Variants in LRRIQ1 observed in about 807,000 individuals in gnomAD.
LRRIQ1 encodes the protein leucine rich repeats and IQ motif containing 1.
LRRIQ1 carries 210 observed loss-of-function variants against 211.9 expected under a neutral mutation model. The ratio of observed to expected loss-of-function variants is 0.99; its 90% CI spans 0.89 to 1.11. The LOEUF is 1.11. LRRIQ1 is among the 50% of genes most tolerant of loss of function. The pLI, the probability that LRRIQ1 is intolerant of heterozygous loss-of-function variation, is 0.00. For missense variants in LRRIQ1, 2,136 were observed against 1,939.5 expected (o/e 1.10, Z -1.90); for synonymous variants, 699 against 650.1 (o/e 1.08, Z -1.14).
intron 1 of LRRIQ1, among the ~76,000 whole-genome samples, chr12:85,253,342 A>G (rs1397975598): frequency 6.6e-6 from 1 of 152,070 alleles, no homozygotes; most frequent in Non-Finnish European, 1.5e-5. Context: ...TGCTGTTACT[A>G]TTATCTAAGA....
chr12:85,135,146 C>A (rs1238760020), intron 18 of LRRIQ1, among the ~76,000 whole-genome samples: 1 of 151,906 alleles, frequency 6.6e-6, no homozygotes, highest in African/African-American at 2.4e-5. Flanking sequence ...ACAGCAACTC[C>A]CTTCTTTTTC....
intron 24 of LRRIQ1, among the ~76,000 whole-genome samples, chr12:85,217,718 A>ATG (rs1565910268): frequency 3.3e-4 from 45 of 135,348 alleles, no homozygotes; most frequent in African/African-American, 1.5e-3. Flanking sequence ...GTGTGTATAT[A>ATG]TGTATATATG....
At chr12:85,081,448 CTT>C (rs57690294) in intron 11 of LRRIQ1, among the ~76,000 whole-genome samples, 4 of 147,648 alleles carry the variant, frequency 2.7e-5, no homozygotes, top group African/African-American at 7.4e-5. Context: ...TTTGGATTGG[CTT>C]TTTTTTTTGT....
chr12:85,124,055 C>G lies in LRRIQ1; in HGVS notation c.3558-15C>G, dbSNP rs1350594968. On this transcript the variant is annotated splice_polypyrimidine_tract_variant and intron_variant, in intron 16 of 26. Transcript: ENST00000393217. Reference sequence around the variant, plus strand: ...TACTATTCTTATTAAATGTTCTCATCATTTATTTGTTCAGAGATGTATTTA... The same window carrying G: ...TACTATTCTTATTAAATGTTCTCATGATTTATTTGTTCAGAGATGTATTTA... 6 of 1,567,866 alleles carry G rather than the reference C, an allele frequency of 3.8e-6. No individual in the cohort carries two copies. Among genetic ancestry groups the G allele is most frequent in the East Asian group, 4.5e-5 (2 of 44,658 alleles).
chr12:85,107,240 A>T (rs931284357), intron 15 of LRRIQ1, among the ~76,000 whole-genome samples: 3 of 152,160 alleles, frequency 2.0e-5, no homozygotes, highest in Non-Finnish European at 2.9e-5. Flanking sequence ...TTTTGTGATA[A>T]CTTACATAGC....
chr12:85,082,925 C>T (rs1433670590), intron 11 of LRRIQ1, among the ~76,000 whole-genome samples: 2 of 152,176 alleles, frequency 1.3e-5, no homozygotes, highest in African/African-American at 4.8e-5. Context: ...AAACAATCTA[C>T]AGTCATTTAT....
chr12:85,123,596 AT>A (rs1888141701), intron 16 of LRRIQ1, among the ~76,000 whole-genome samples: 1 of 152,120 alleles, frequency 6.6e-6, no homozygotes, highest in Admixed American at 6.6e-5. Context: ...GCAATAGATT[AT>A]TATTTTTCCA....
rs190969894 is a variant in LRRIQ1 at position 85,188,403 on chromosome 12, A to C, written c.4822+27689A>C. Among the ~76,000 whole-genome samples the C allele has an allele frequency of 2.0e-4, 30 of 152,296 alleles. No individual in the cohort carries two copies. The East Asian group carries it at 5.6e-3, about 28-fold the overall frequency. ...ACACAGAATGCATAAACAGCATAATAAATGGCACAACTGGTGGCAACTCAG... is the reference window on the plus strand; with the variant it reads ...ACACAGAATGCATAAACAGCATAATCAATGGCACAACTGGTGGCAACTCAG... On this transcript the variant is annotated intron_variant, in intron 24 of 26. Coordinates refer to ENST00000393217, the MANE Select transcript of LRRIQ1 (RefSeq NM_001079910.2).
intron 24 of LRRIQ1, among the ~76,000 whole-genome samples, chr12:85,177,803 G>A (rs552101888): frequency 4.6e-5 from 7 of 152,220 alleles, no homozygotes; most frequent in African/African-American, 1.7e-4. Flanking sequence ...TAATAGGAAG[G>A]AAACAAGAGT....
intron 24 of LRRIQ1, among the ~76,000 whole-genome samples, chr12:85,215,458 G>A (rs1176366490): frequency 6.6e-6 from 1 of 152,036 alleles, no homozygotes; most frequent in Non-Finnish European, 1.5e-5. Context: ...CAGGTATTAA[G>A]CCTAGTACCC....
intron 23 of LRRIQ1, among the ~76,000 whole-genome samples, chr12:85,155,254 A>G (rs1023927222): frequency 6.6e-6 from 1 of 151,582 alleles, no homozygotes; most frequent in Non-Finnish European, 1.5e-5. Context: ...TAAAACATTA[A>G]CATTTCAAGC....
intron 24 of LRRIQ1, among the ~76,000 whole-genome samples, chr12:85,192,042 A>G (rs1255472477): frequency 6.6e-6 from 1 of 151,806 alleles, no homozygotes; most frequent in Non-Finnish European, 1.5e-5. Flanking sequence ...ATTTGTTACA[A>G]AGGTAAATTG....
At chr12:85,214,831 C>T (rs1457704221) in intron 24 of LRRIQ1, among the ~76,000 whole-genome samples, 2 of 151,948 alleles carry the variant, frequency 1.3e-5, no homozygotes, top group East Asian at 1.9e-4. Context: ...AAGTACTAGT[C>T]ATATTAATAA....
rs529601207 is a variant in LRRIQ1, at chr12:85,209,776, A to G, written c.4823-19741A>G. 1.1e-4 allele frequency among the ~76,000 whole-genome samples: 16 copies of G among 152,252 alleles called. No individual in the cohort carries two copies. In the South Asian group the frequency reaches 2.9e-3, roughly 28 times the overall value. On this transcript the variant is annotated intron_variant, in intron 24 of 26. Transcript: ENST00000393217. ...AAAAAAAATATTATCTAGGGATTTT[A>G]TATATCTGATTGTTTCTTCACAACA...
At chr12:85,069,446 G>A (rs1208707015) in intron 10 of LRRIQ1, among the ~76,000 whole-genome samples, 1 of 152,054 alleles carries the variant, frequency 6.6e-6, no homozygotes, top group Non-Finnish European at 1.5e-5. Flanking sequence ...AATCCTTTGG[G>A]TATATTCCTA....
intron 24 of LRRIQ1, among the ~76,000 whole-genome samples, chr12:85,210,923 A>G (rs1323737081): frequency 1.3e-5 from 2 of 152,204 alleles, no homozygotes; most frequent in Non-Finnish European, 2.9e-5. Flanking sequence ...ATTATAAAAT[A>G]TTTGAACTCC....
intron 24 of LRRIQ1, among the ~76,000 whole-genome samples, chr12:85,173,591 A>G (rs1252961716): frequency 2.6e-5 from 4 of 151,692 alleles, no homozygotes; most frequent in African/African-American, 7.3e-5. Flanking sequence ...CTCACTCAGA[A>G]AGCTAGAGAC....
intron 11 of LRRIQ1, among the ~76,000 whole-genome samples, chr12:85,083,640 A>T (rs960893969): frequency 6.6e-6 from 1 of 152,028 alleles, no homozygotes; most frequent in Non-Finnish European, 1.5e-5. Context: ...GGGTTTCACC[A>T]TGTTGGCCAG....
chr12:85,118,892 G>A (rs1484370459), intron 15 of LRRIQ1, among the ~76,000 whole-genome samples: 1 of 151,860 alleles, frequency 6.6e-6, no homozygotes, highest in Non-Finnish European at 1.5e-5. Flanking sequence ...TAGGTTAACA[G>A]CAAAACTGAG....
Sources: allele counts gnomAD v4.1 joint callset (sites outside exome capture counted in the v4.1 genomes callset), GRCh38; gene constraint gnomAD v4.1.1; transcripts MANE v1.5; gene names NCBI Gene and HGNC (gene_info 2026-07-23, HGNC 2026-07-21).